MCUB: variants seen among roughly 807,000 people sequenced by gnomAD.
The protein encoded by MCUB is mitochondrial calcium uniporter dominant negative subunit beta, also known as calcium uniporter regulatory subunit MCUb, mitochondrial.
A neutral mutation model predicts 41.4 loss-of-function variants in MCUB; 46 were observed. The ratio of observed to expected loss-of-function variants is 1.11; its 90% CI spans 0.88 to 1.42. The LOEUF is 1.42. Among genes scored for constraint, MCUB ranks in the 40% most tolerant of loss-of-function variants. The probability of loss-of-function intolerance (pLI) is 0.00; values close to 1 mark genes in which losing one functional copy is unlikely to be tolerated. For synonymous variants in MCUB, 148 were observed against 148.2 expected, an observed-to-expected ratio of 1.00 and a Z score of 0.01; for missense variants, 403 against 404.9, an observed-to-expected ratio of 1.00 and a Z score of 0.04.
At chr4:109,621,626 C>T (rs941943192) in intron 1 of MCUB, among the ~76,000 whole-genome samples, 5 of 152,068 alleles carry the variant, frequency 3.3e-5, no homozygotes, top group East Asian at 1.9e-4. Context: ...CTACAGTGGC[C>T]GTACACAGAA....
intron 4 of MCUB, among the ~76,000 whole-genome samples, chr4:109,671,441 GT>G (rs1314683442): frequency 6.6e-6 from 1 of 151,840 alleles, no homozygotes; most frequent in African/African-American, 2.4e-5. Context: ...TTGACCTTCA[GT>G]TTGAGAAAGT....
intron 1 of MCUB, among the ~76,000 whole-genome samples, chr4:109,643,327 G>A (rs1179336186): frequency 1.3e-5 from 2 of 150,252 alleles, no homozygotes; most frequent in Non-Finnish European, 3.0e-5. Context: ...TGGGATTACA[G>A]GTGTGCACTA....
At chr4:109,621,105 A>G (rs986277752) in intron 1 of MCUB, among the ~76,000 whole-genome samples, 1 of 151,964 alleles carries the variant, frequency 6.6e-6, no homozygotes, top group African/African-American at 2.4e-5. Context: ...TTCACCATGT[A>G]GGTCAGGCTG....
At chr4:109,643,561 A>G (rs1360095810) in intron 1 of MCUB, among the ~76,000 whole-genome samples, 1 of 151,806 alleles carries the variant, frequency 6.6e-6, no homozygotes, top group African/African-American at 2.4e-5. Context: ...CTGGAGTGCA[A>G]TGGCGCAATC....
At chr4:109,614,263 G>C (rs1354861232) in intron 1 of MCUB, among the ~76,000 whole-genome samples, 1 of 122,936 alleles carries the variant, frequency 8.1e-6, no homozygotes, top group Admixed American at 7.8e-5. Flanking sequence ...TCCAAATACA[G>C]AGTCTCTTTC....
At chr4:109,641,332 C>G (rs909553329) in intron 1 of MCUB, among the ~76,000 whole-genome samples, 2 of 150,272 alleles carry the variant, frequency 1.3e-5, no homozygotes, top group African/African-American at 4.9e-5. Context: ...TCTCGATCTC[C>G]TGACCTCGTG....
At chr4:109,656,801 G>T (rs1344999603) in intron 1 of MCUB, among the ~76,000 whole-genome samples, 1 of 152,142 alleles carries the variant, frequency 6.6e-6, no homozygotes, top group African/African-American at 2.4e-5. Flanking sequence ...GTAGTAGACG[G>T]TATTGTAATA....
At chr4:109,572,724 A>T (rs1726942261) in intron 1 of MCUB, among the ~76,000 whole-genome samples, 1 of 152,066 alleles carries the variant, frequency 6.6e-6, no homozygotes, top group South Asian at 2.1e-4. Context: ...AATTTGTCAG[A>T]TTTGGATGTC....
intron 1 of MCUB, among the ~76,000 whole-genome samples, chr4:109,642,893 A>ATTTTTTTTTTTTTTT (rs34076028): frequency 9.0e-6 from 1 of 111,132 alleles, no homozygotes; most frequent in Non-Finnish European, 1.8e-5. Context: ...TCTCAGCTAG[A>ATTTTTTTTTTTTTTT]TTTTTTTTTT....
At chr4:109,578,587 C>T (rs925602377) in intron 1 of MCUB, among the ~76,000 whole-genome samples, 1 of 151,994 alleles carries the variant, frequency 6.6e-6, no homozygotes, top group Non-Finnish European at 1.5e-5. Context: ...GCAGCCTCAA[C>T]CTCCTGGGCC....
chr4:109,607,867 G>A (rs1484229457), intron 1 of MCUB, among the ~76,000 whole-genome samples: 4 of 152,094 alleles, frequency 2.6e-5, no homozygotes, highest in Non-Finnish European at 5.9e-5. Flanking sequence ...CCTTGAGGTA[G>A]TCTTCTTTGG....
intron 4 of MCUB, among the ~76,000 whole-genome samples, chr4:109,680,231 G>A (rs1729686481): frequency 6.6e-6 from 1 of 152,172 alleles, no homozygotes; most frequent in Admixed American, 6.5e-5. Context: ...GCTCTGACTT[G>A]CATCCTGTCA....
intron 1 of MCUB, among the ~76,000 whole-genome samples, chr4:109,594,503 A>T (rs746923465): frequency 6.6e-6 from 1 of 152,194 alleles, no homozygotes; most frequent in Admixed American, 6.5e-5. Context: ...TAAAAATACA[A>T]AAGTTAGCCG....
chr4:109,672,567 A>G (rs1466201769), intron 4 of MCUB, among the ~76,000 whole-genome samples: 2 of 152,220 alleles, frequency 1.3e-5, no homozygotes, highest in Non-Finnish European at 2.9e-5. Context: ...ATTGGTGATA[A>G]AAGAAATAGA....
chr4:109,656,354 C>CTT lies in MCUB; in HGVS notation c.100-2620_100-2619dup, dbSNP rs752851425. Among the ~76,000 whole-genome samples the CTT allele has an allele frequency of 1.3e-3, 79 of 62,112 alleles. 6 individuals carry two copies. The highest frequency in any genetic ancestry group is 2.6e-3 in the East Asian group (4 of 1,552). 40.7% of individuals were successfully genotyped at this position (62,112 alleles called of 152,430 possible). On this transcript the variant is annotated intron_variant, in intron 1 of 7. Coordinates refer to ENST00000394650, the MANE Select transcript of MCUB (RefSeq NM_017918.5). ...GAGGGGCTCTAACTTTTACTCTCTA[C>CTT]TTTTTTTTTTTTTTTTTTTTTTTTT...
chr4:109,592,899 C>T (rs1727470463), intron 1 of MCUB, among the ~76,000 whole-genome samples: 1 of 152,168 alleles, frequency 6.6e-6, no homozygotes, highest in Admixed American at 6.5e-5. Flanking sequence ...CTCTAATATA[C>T]ACACAGATAT....
chr4:109,610,154 A>C (rs1283563246), intron 1 of MCUB, among the ~76,000 whole-genome samples: 2 of 151,944 alleles, frequency 1.3e-5, no homozygotes, highest in Non-Finnish European at 2.9e-5. Context: ...CAGGCCTGAG[A>C]CTCTACTCTT....
intron 1 of MCUB, among the ~76,000 whole-genome samples, chr4:109,640,802 C>A (rs539723262): frequency 3.3e-5 from 5 of 152,334 alleles, no homozygotes; most frequent in African/African-American, 1.2e-4. Context: ...TTCGTGTGTT[C>A]ACTGGAGTAG....
At chr4:109,587,585 A>T (rs1020738984) in intron 1 of MCUB, among the ~76,000 whole-genome samples, 1 of 152,222 alleles carries the variant, frequency 6.6e-6, no homozygotes, top group African/African-American at 2.4e-5. Flanking sequence ...CTATTCGTCC[A>T]TCTTGGAACG....
Sources: allele counts gnomAD v4.1 joint callset (sites outside exome capture counted in the v4.1 genomes callset), GRCh38; gene constraint gnomAD v4.1.1; transcripts MANE v1.5; gene names NCBI Gene and HGNC (gene_info 2026-07-23, HGNC 2026-07-21).